NCAM2: variants seen among roughly 807,000 people sequenced by gnomAD.
NCAM2 encodes N-CAM-2.
A neutral mutation model predicts 98.1 loss-of-function variants in NCAM2; 30 were observed. The ratio of observed to expected loss-of-function variants is 0.31; its 90% CI spans 0.23 to 0.41. NCAM2 has a LOEUF of 0.41. Ranked by LOEUF, NCAM2 falls within the 10% of genes least tolerant of loss-of-function variation. The pLI, the probability that NCAM2 is intolerant of heterozygous loss-of-function variation, is 1.00. For synonymous variants in NCAM2, 368 were observed against 342.4 expected (o/e 1.07, Z -0.83); for missense variants, 867 against 1,005.8 (o/e 0.86, Z 1.87).
intron 5 of NCAM2, among the ~76,000 whole-genome samples, chr21:21,294,871 T>A (rs2073421701): frequency 6.6e-6 from 1 of 151,698 alleles, no homozygotes; most frequent in South Asian, 2.1e-4. Context: ...CTTAAAGATG[T>A]TTCAGTGAAA....
At chr21:21,136,093 T>C (rs2067044323) in intron 1 of NCAM2, among the ~76,000 whole-genome samples, 1 of 152,212 alleles carries the variant, frequency 6.6e-6, no homozygotes, top group Non-Finnish European at 1.5e-5. Flanking sequence ...ATGGGTTACC[T>C]GGGGCCTTTC....
chr21:21,447,563 G>C (rs1980374760), intron 12 of NCAM2, among the ~76,000 whole-genome samples: 2 of 151,988 alleles, frequency 1.3e-5, no homozygotes, highest in Non-Finnish European at 2.9e-5. Context: ...TTTAACTAAA[G>C]AGTTTCTGCA....
intron 1 of NCAM2, among the ~76,000 whole-genome samples, chr21:21,086,276 A>G (rs2065904454): frequency 6.6e-6 from 1 of 152,186 alleles, no homozygotes; most frequent in African/African-American, 2.4e-5. Context: ...GACAATCTTG[A>G]AACAGAAGAC....
rs1188932130 is a variant in NCAM2 at position 21,539,652 on chromosome 21, C to T, written c.*1695C>T. ...ATATGACCATCTTCGTTTGAAGGCACCAAATCGTCGCAGTGTCTTTGCCAT... is the reference window on the plus strand; with the variant it reads ...ATATGACCATCTTCGTTTGAAGGCATCAAATCGTCGCAGTGTCTTTGCCAT... On this transcript the variant is annotated 3_prime_UTR_variant, in exon 18 of 18. Transcript: ENST00000400546. 1 of 152,134 alleles carries T rather than the reference C, an allele frequency of 6.6e-6. No homozygotes were observed. The highest frequency in any genetic ancestry group is 1.5e-5 in the Non-Finnish European group (1 of 68,040). 9.4% of individuals were successfully genotyped at this position (152,134 alleles called of 1,614,324 possible). A position where few individuals can be genotyped will look rare whatever the true frequency, so the allele number is the denominator to read the frequency against.
intron 8 of NCAM2, among the ~76,000 whole-genome samples, chr21:21,347,920 T>G (rs56723222): frequency 0.013 from 1,923 of 152,162 alleles, 42 homozygotes; most frequent in African/African-American, 0.044. Context: ...CATCCATTCA[T>G]GATAAAAACA....
intron 12 of NCAM2, among the ~76,000 whole-genome samples, chr21:21,432,565 A>T (rs183758360): frequency 1.2e-3 from 187 of 151,096 alleles, no homozygotes; most frequent in African/African-American, 4.4e-3. Context: ...TTGCTCACAT[A>T]CTAGATATGA....
rs574112559 is a variant in NCAM2 at position 21,088,641 on chromosome 21, G to A, written c.55+90023G>A. ...TCTTCAGGATAAAATATAGGGGGTT[G>A]TTGACTTTGACATTCAGGGCTTGGC... On this transcript the variant is annotated intron_variant, in intron 1 of 17. Transcript: ENST00000400546. Among the ~76,000 whole-genome samples the A allele has an allele frequency of 2.6e-5, 4 of 152,120 alleles. No homozygotes were observed. In the South Asian group the frequency reaches 8.3e-4, roughly 32 times the overall value.
At chr21:21,430,414 TCA>T (rs2077309026) in intron 11 of NCAM2, among the ~76,000 whole-genome samples, 1 of 94,602 alleles carries the variant, frequency 1.1e-5, no homozygotes, top group African/African-American at 3.6e-5. Flanking sequence ...TAGCCCATTC[TCA>T]CACTGCTATG....
At chr21:21,254,648 A>G (rs914858782) in intron 1 of NCAM2, among the ~76,000 whole-genome samples, 1 of 152,182 alleles carries the variant, frequency 6.6e-6, no homozygotes, top group Non-Finnish European at 1.5e-5. Context: ...GCCCTATGAT[A>G]TTATGAAGCT....
Position 21,004,638 on chromosome 21 carries a change from A to G in NCAM2, c.55+6020A>G, listed in dbSNP as rs189075157. 7.6e-4 allele frequency among the ~76,000 whole-genome samples: 116 copies of G among 152,356 alleles called. No individual in the cohort carries two copies. The Middle Eastern group carries it at 0.014, about 18-fold the overall frequency. Reference sequence around the variant, plus strand: ...ACAAAATATTATAAAATGACAAAATATGTCATATAATTAATTAAACACTAA... The same window carrying G: ...ACAAAATATTATAAAATGACAAAATGTGTCATATAATTAATTAAACACTAA... On this transcript the variant is annotated intron_variant, in intron 1 of 17. Coordinates refer to ENST00000400546, the MANE Select transcript of NCAM2 (RefSeq NM_004540.5).
At chr21:21,059,654 T>C (rs905706541) in intron 1 of NCAM2, among the ~76,000 whole-genome samples, 2 of 152,170 alleles carry the variant, frequency 1.3e-5, no homozygotes, top group African/African-American at 4.8e-5. Context: ...TTTTGCACAG[T>C]ATCCTCTTTG....
intron 1 of NCAM2, among the ~76,000 whole-genome samples, chr21:21,039,044 C>T (rs2064852327): frequency 6.6e-6 from 1 of 152,088 alleles, no homozygotes; most frequent in African/African-American, 2.4e-5. Flanking sequence ...TAATAATCCC[C>T]ATAAAGAAAT....
At chr21:21,382,419 A>G (rs563895895) in intron 9 of NCAM2, among the ~76,000 whole-genome samples, 2 of 151,808 alleles carry the variant, frequency 1.3e-5, no homozygotes, top group East Asian at 3.9e-4. Context: ...CAATTAGGTA[A>G]TGTTCTCTTG....
intron 1 of NCAM2, among the ~76,000 whole-genome samples, chr21:21,264,419 C>T (rs1338928956): frequency 6.6e-6 from 1 of 151,838 alleles, no homozygotes; most frequent in Admixed American, 6.6e-5. Context: ...AGTTCAACCC[C>T]AATAGAAAAC....
At chr21:21,297,984 G>C (rs1321964648) in intron 5 of NCAM2, among the ~76,000 whole-genome samples, 1 of 151,638 alleles carries the variant, frequency 6.6e-6, no homozygotes, top group Non-Finnish European at 1.5e-5. Flanking sequence ...TTCTTTAGTC[G>C]ATCTTTGAAC....
At chr21:21,170,047 A>G (rs2068071723) in intron 1 of NCAM2, among the ~76,000 whole-genome samples, 1 of 152,198 alleles carries the variant, frequency 6.6e-6, no homozygotes, top group Non-Finnish European at 1.5e-5. Flanking sequence ...AATTAAAACA[A>G]TGAGATACCA....
chr21:21,392,062 A>G (rs1437664098), intron 9 of NCAM2, among the ~76,000 whole-genome samples: 2 of 152,132 alleles, frequency 1.3e-5, no homozygotes, highest in Non-Finnish European at 2.9e-5. Context: ...TATTAAGCCT[A>G]GTACCTATTA....
intron 1 of NCAM2, among the ~76,000 whole-genome samples, chr21:21,006,358 T>C (rs1197453576): frequency 2.0e-5 from 3 of 152,020 alleles, no homozygotes; most frequent in Admixed American, 6.6e-5. Flanking sequence ...AATACAAAAA[T>C]TAGCTGGGCG....
At chr21:21,229,328 TG>T (rs1315213478) in intron 1 of NCAM2, among the ~76,000 whole-genome samples, 1 of 151,588 alleles carries the variant, frequency 6.6e-6, no homozygotes, top group African/African-American at 2.4e-5. Context: ...CATTTCATAG[TG>T]TTGACTTTGT....
Sources: gnomAD v4.1 joint callset for allele counts (sites outside exome capture counted in the v4.1 genomes callset) on GRCh38, gnomAD v4.1.1 for gene constraint, MANE v1.5 for transcripts, NCBI Gene and HGNC (gene_info 2026-07-23, HGNC 2026-07-21) for gene names.